The following LRRC7 variants were observed in gnomAD, a reference collection of about 807,000 sequenced individuals.
The protein encoded by LRRC7 is leucine rich repeat containing 7.
A neutral mutation model predicts 175.7 loss-of-function variants in LRRC7; 23 were observed. The ratio of observed to expected loss-of-function variants is 0.13; its 90% CI spans 0.09 to 0.19. The LOEUF is 0.19. Ranked by LOEUF, LRRC7 falls within the 10% of genes least tolerant of loss-of-function variation. LRRC7 has a pLI of 1.00. For synonymous variants in LRRC7, 685 were observed against 680.9 expected (o/e 1.01, Z -0.09); for missense variants, 1,354 against 1,904.7 (o/e 0.71, Z 5.38).
At chr1:69,887,896 C>T (rs944851475) in intron 7 of LRRC7, among the ~76,000 whole-genome samples, 3 of 146,668 alleles carry the variant, frequency 2.0e-5, no homozygotes, top group South Asian at 4.3e-4. Context: ...GTCAGTGTGC[C>T]CCTGCTGGGG....
chr1:69,927,837 T>G (rs1447929118), intron 7 of LRRC7, among the ~76,000 whole-genome samples: 4 of 152,230 alleles, frequency 2.6e-5, no homozygotes, highest in Admixed American at 1.3e-4. Flanking sequence ...CCAGCTTTGT[T>G]CCATTGCTGG....
At chr1:69,619,603 G>A (rs1266179394) in intron 1 of LRRC7, among the ~76,000 whole-genome samples, 1 of 152,114 alleles carries the variant, frequency 6.6e-6, no homozygotes, top group African/African-American at 2.4e-5. Flanking sequence ...CTCGGACTTG[G>A]ATATTTCATT....
chr1:69,674,422 AT>A (rs1659512272), intron 1 of LRRC7, among the ~76,000 whole-genome samples: 1 of 152,186 alleles, frequency 6.6e-6, no homozygotes, highest in Non-Finnish European at 1.5e-5. Flanking sequence ...TGTTCAAAGG[AT>A]TAATGAAGTA....
chr1:70,070,809 C>T (rs1662326478), intron 23 of LRRC7, among the ~76,000 whole-genome samples: 1 of 152,140 alleles, frequency 6.6e-6, no homozygotes, highest in South Asian at 2.1e-4. Flanking sequence ...CTCTACTAGG[C>T]CTTCTCTGAC....
chr1:69,645,722 G>A (rs994737085), intron 1 of LRRC7, among the ~76,000 whole-genome samples: 2 of 151,824 alleles, frequency 1.3e-5, no homozygotes, highest in Non-Finnish European at 2.9e-5. Flanking sequence ...ATTAATAAGT[G>A]TATCCTATAG....
intron 12 of LRRC7, among the ~76,000 whole-genome samples, chr1:70,012,475 T>C (rs1485182266): frequency 1.3e-5 from 2 of 151,898 alleles, no homozygotes; most frequent in Non-Finnish European, 3.0e-5. Context: ...TTGAGCATTT[T>C]CTACTAAACA....
intron 4 of LRRC7, among the ~76,000 whole-genome samples, chr1:69,799,102 GTTTT>G (rs34579269): frequency 7.3e-6 from 1 of 136,142 alleles, no homozygotes. Flanking sequence ...CTGAATGCTA[GTTTT>G]TTTTTTTTTT....
chr1:69,832,541 A>C lies in LRRC7; in HGVS notation c.501-2239A>C, dbSNP rs763867751. ...GCTAATAAACTTTTATTCCTAACTA[A>C]TCAGCGAAATGATGATTATTACTAT... On this transcript the variant is annotated intron_variant, in intron 5 of 26. Coordinates refer to ENST00000651989, the MANE Select transcript of LRRC7 (RefSeq NM_001370785.2). Among the ~76,000 whole-genome samples the C allele has an allele frequency of 9.2e-5, 14 of 152,288 alleles. No individual in the cohort carries two copies. In the Middle Eastern group the frequency reaches 0.014, roughly 148 times the overall value.
chr1:69,937,561 T>C (rs1317812571), intron 8 of LRRC7, among the ~76,000 whole-genome samples: 2 of 152,098 alleles, frequency 1.3e-5, no homozygotes, highest in East Asian at 3.9e-4. Context: ...TGCTTGGAAT[T>C]TGTAAAAATC....
intron 1 of LRRC7, among the ~76,000 whole-genome samples, chr1:69,641,059 C>T (rs1211081009): frequency 6.6e-6 from 1 of 151,742 alleles, no homozygotes; most frequent in Non-Finnish European, 1.5e-5. Context: ...AGAACTTGGA[C>T]ATTTTATGAC....
chr1:69,823,762 A>T (rs1447604489), intron 4 of LRRC7, among the ~76,000 whole-genome samples: 1 of 152,154 alleles, frequency 6.6e-6, no homozygotes. Context: ...ATAATTATAG[A>T]TAGCATTATT....
rs1252055996 is a variant in LRRC7 at position 69,795,909 on chromosome 1, TGG to T, written c.421+3751_421+3752del. 4.0e-3 allele frequency among the ~76,000 whole-genome samples: 324 copies of T among 80,138 alleles called. 1 individual carries two copies. Among genetic ancestry groups the T allele is most frequent in the African/African-American group, 0.019 (300 of 15,956 alleles). 52.6% of individuals were successfully genotyped at this position (80,138 alleles called of 152,430 possible). A position where few individuals can be genotyped will look rare whatever the true frequency, so the allele number is the denominator to read the frequency against. ...ACAATTTGAGTAAACAGATTTTTTT[TGG>T]GTTTTTTTTTGTTTTTTTCTTATTT... On this transcript the variant is annotated intron_variant, in intron 4 of 26. Transcript: ENST00000651989.
intron 8 of LRRC7, among the ~76,000 whole-genome samples, chr1:69,937,492 A>G (rs1410601900): frequency 6.6e-6 from 1 of 152,080 alleles, no homozygotes; most frequent in African/African-American, 2.4e-5. Context: ...TGAAATACAT[A>G]CATGGTTCAT....
At chr1:69,987,313 C>T (rs1413425198) in intron 10 of LRRC7, among the ~76,000 whole-genome samples, 1 of 152,126 alleles carries the variant, frequency 6.6e-6, no homozygotes, top group African/African-American at 2.4e-5. Flanking sequence ...AATGTGTAAG[C>T]TTTTTTGTGT....
At chr1:69,700,420 T>C (rs1047758618) in intron 2 of LRRC7, among the ~76,000 whole-genome samples, 4 of 152,226 alleles carry the variant, frequency 2.6e-5, no homozygotes. Flanking sequence ...TGATCTGGCT[T>C]TCTTACTCCC....
rs1443674011 is a variant in LRRC7, at chr1:70,130,002, A to T, written c.*8115A>T. On this transcript the variant is annotated 3_prime_UTR_variant, in exon 27 of 27. Coordinates refer to ENST00000651989, the MANE Select transcript of LRRC7 (RefSeq NM_001370785.2). ...CTCCCTATTCCCTTTCTAAATTATTAAAATCATATGCAGCCTTCAGAGCCC... is the reference window on the plus strand; with the variant it reads ...CTCCCTATTCCCTTTCTAAATTATTTAAATCATATGCAGCCTTCAGAGCCC... 1.3e-5 allele frequency: 2 copies of T among 152,182 alleles called. No homozygotes were observed. The highest frequency in any genetic ancestry group is 2.9e-5 in the Non-Finnish European group (2 of 68,048). 9.4% of individuals were successfully genotyped at this position (152,182 alleles called of 1,614,324 possible). A position where few individuals can be genotyped will look rare whatever the true frequency, so the allele number is the denominator to read the frequency against.
chr1:69,686,039 C>G (rs564997983), intron 2 of LRRC7, among the ~76,000 whole-genome samples: 12 of 151,990 alleles, frequency 7.9e-5, no homozygotes, highest in Non-Finnish European at 1.6e-4. Context: ...TATAAAGAAG[C>G]ATCAATTAAA....
intron 8 of LRRC7, among the ~76,000 whole-genome samples, chr1:69,943,971 C>T (rs1463124682): frequency 6.6e-6 from 1 of 151,160 alleles, no homozygotes. Flanking sequence ...CACACACACA[C>T]ACACACACAC....
At position 70,049,099 on chromosome 1, in the gene LRRC7, AT is replaced by A. The variant is rs1660555791; in HGVS notation, c.4111-3925del. Among the ~76,000 whole-genome samples the A allele has an allele frequency of 3.9e-5, 6 of 152,262 alleles. No individual in the cohort carries two copies. The South Asian group carries it at 1.2e-3, about 32-fold the overall frequency. On this transcript the variant is annotated intron_variant, in intron 22 of 26. Transcript: ENST00000651989. ...CTTATTGAATTAGGCATTAATATAAATTAATTATAATTTCAGGTGAGGGAAG... is the reference window on the plus strand; with the variant it reads ...CTTATTGAATTAGGCATTAATATAAATAATTATAATTTCAGGTGAGGGAAG...
Sources: gnomAD v4.1 joint callset for allele counts (sites outside exome capture counted in the v4.1 genomes callset) on GRCh38, gnomAD v4.1.1 for gene constraint, MANE v1.5 for transcripts, NCBI Gene and HGNC (gene_info 2026-07-23, HGNC 2026-07-21) for gene names.